Variants in MYO18A observed in about 807,000 individuals in gnomAD.
MYO18A encodes myosin XVIIIA.
In MYO18A, 78 loss-of-function variants were observed where a neutral mutation model predicts 235.8. The ratio of observed to expected loss-of-function variants is 0.33; its 90% CI spans 0.28 to 0.40. The LOEUF (loss-of-function observed/expected upper bound fraction) is 0.40. MYO18A is among the 10% of genes least tolerant of loss of function. The pLI, the probability that MYO18A is intolerant of heterozygous loss-of-function variation, is 1.00. For synonymous variants in MYO18A, 977 were observed against 1,077.8 expected, an observed-to-expected ratio of 0.91 and a Z score of 1.83; for missense variants, 2,215 against 2,699.3, an observed-to-expected ratio of 0.82 and a Z score of 3.98.
At chr17:29,094,296 C>A (rs1380030269) in intron 30 of MYO18A, 3 of 601,864 alleles carry the variant, frequency 5.0e-6, no homozygotes. Flanking sequence ...AGAGAGGCAG[C>A]TGGGGTGGGG....
intron 2 of MYO18A, among the ~76,000 whole-genome samples, chr17:29,153,112 A>G (rs149781135): frequency 2.6e-3 from 392 of 152,266 alleles, no homozygotes; most frequent in Middle Eastern, 6.8e-3. Context: ...CAAGGAAAGT[A>G]CTATTATTTT....
intron 23 of MYO18A, 39 bp from the exon 24 acceptor site, chr17:29,098,484 C>T (rs371227223): frequency 1.2e-6 from 2 of 1,610,138 alleles, no homozygotes; most frequent in Non-Finnish European, 1.7e-6. Context: ...GCCAAAGGCA[C>T]TGCGAGGGAT....
At chr17:29,127,374 T>A (rs1282058681) in intron 2 of MYO18A, among the ~76,000 whole-genome samples, 2 of 152,226 alleles carry the variant, frequency 1.3e-5, no homozygotes, top group Non-Finnish European at 2.9e-5. Flanking sequence ...ACCCAGGGTA[T>A]CAGAGAAGAA....
Position 29,117,175 on chromosome 17 carries a change from A to G in MYO18A, c.2039-720T>C, listed in dbSNP as rs1418935296. On this transcript the variant is annotated intron_variant, in intron 10 of 41. Coordinates refer to ENST00000527372, the MANE Select transcript of MYO18A (RefSeq NM_078471.4). The surrounding 1 kb of genome is among the most constrained non-coding windows in gnomAD (Gnocchi z 4.6). ...CATCCCCTTTCCCTAAACTGGAGAA[A>G]AAGGGGGTGAAGAGGTGCTCGAATC... Among the ~76,000 whole-genome samples the G allele has an allele frequency of 6.6e-6, 1 of 152,156 alleles. No homozygotes were observed. Among genetic ancestry groups the G allele is most frequent in the Non-Finnish European group, 1.5e-5 (1 of 68,024 alleles).
intron 21 of MYO18A, 99 bp downstream of exon 21, chr17:29,103,500 G>A (rs2066706568): frequency 2.5e-6 from 3 of 1,207,360 alleles, no homozygotes; most frequent in East Asian, 2.4e-5. Flanking sequence ...CAGGAGACTG[G>A]TGATGTCTGG....
chr17:29,151,955 C>T (rs1415965718), intron 2 of MYO18A, among the ~76,000 whole-genome samples: 7 of 152,256 alleles, frequency 4.6e-5, no homozygotes, highest in South Asian at 2.1e-4. Flanking sequence ...GGGGAGGACA[C>T]GGTGGAGAAT....
intron 23 of MYO18A, 101 bp downstream of exon 23, chr17:29,098,725 G>A (rs754496962): frequency 2.7e-6 from 4 of 1,458,808 alleles, no homozygotes; most frequent in African/African-American, 1.4e-5. Context: ...TTTCAAGGAT[G>A]ACAGCTCTCT....
At chr17:29,114,161 T>TCACA in intron 14 of MYO18A, 64 bp from the exon 15 acceptor site, 1 of 1,303,152 alleles carries the variant, frequency 7.7e-7, no homozygotes, top group Non-Finnish European at 1.1e-6. Flanking sequence ...GCCTTGTGAG[T>TCACA]AGGCTGGGAA....
intron 20 of MYO18A, among the ~76,000 whole-genome samples, chr17:29,104,378 G>A (rs1568067124): frequency 6.6e-6 from 1 of 152,202 alleles, no homozygotes; most frequent in Admixed American, 6.5e-5. Context: ...GGTATGTAAG[G>A]AGGAATCTAG....
chr17:29,156,753 G>C (rs2068073640), intron 2 of MYO18A, among the ~76,000 whole-genome samples: 1 of 152,360 alleles, frequency 6.6e-6, no homozygotes, highest in African/African-American at 2.4e-5. Flanking sequence ...AGAAGGCTGG[G>C]GTGTTGCCAG....
chr17:29,121,892 C>T lies in MYO18A; in HGVS notation c.1153G>A (p.Asp385Asn), dbSNP rs368100501. ...EGKVRVKLDHDGAILDVDEDD... is the reference protein window; with the variant it reads ...EGKVRVKLDHNGAILDVDEDD... ...TCATCCACATCCAGGATGGCCCCAT[C>T]GTGGTCCAGCTTCACACGCACCTTC... The change falls in exon 4 of 42, where the codon GAT becomes AAT. Residue 385 changes from aspartate to asparagine, a missense_variant. Physicochemically the swap from Asp to Asn is conservative, Grantham distance 23. Transcript: ENST00000527372. This position sits in a 1 kb window ranked among gnomAD's most constrained non-coding sequence, Gnocchi z 4.2. 6.8e-6 allele frequency: 11 copies of T among 1,613,822 alleles called. No homozygotes were observed. The highest frequency in any genetic ancestry group is 5.0e-5 in the Admixed American group (3 of 60,000).
Position 29,114,001 on chromosome 17 carries a change from G to C in MYO18A, c.2598+10C>G. Reference sequence around the variant, plus strand: ...GAAAGGCTTGCCCAAACCCTCTCTGGAGCTCCTACCAGGGACTGATGGGAG... The same window carrying C: ...GAAAGGCTTGCCCAAACCCTCTCTGCAGCTCCTACCAGGGACTGATGGGAG... On this transcript the variant is annotated intron_variant, in intron 15 of 41. Coordinates refer to ENST00000527372, the MANE Select transcript of MYO18A (RefSeq NM_078471.4). 6.3e-7 allele frequency: 1 copy of C among 1,584,264 alleles called. No homozygotes were observed. Among genetic ancestry groups the C allele is most frequent in the Non-Finnish European group, 8.6e-7 (1 of 1,165,092 alleles).
At chr17:29,130,299 C>CAAAAAAAAAAAAAAAAAAA (rs564370108) in intron 2 of MYO18A, among the ~76,000 whole-genome samples, 1 of 55,934 alleles carries the variant, frequency 1.8e-5, no homozygotes, top group Non-Finnish European at 3.0e-5. Flanking sequence ...AACCCTGTCT[C>CAAAAAAAAAAAAAAAAAAA]AAAAAAAAAA....
rs1405780658 is a variant in MYO18A, at chr17:29,090,532, C to G, written c.5388G>C (p.Lys1796Asn). 4 of 1,586,652 alleles carry G rather than the reference C, an allele frequency of 2.5e-6. No homozygotes were observed. Among genetic ancestry groups the G allele is most frequent in the African/African-American group, 2.7e-5 (2 of 74,540 alleles). Residue 1796 changes from lysine (K) to asparagine (N), a missense_variant and splice_region_variant, in exon 36 of 42, where the codon AAG (lysine) becomes AAC (asparagine). Transcript: ENST00000527372. ...TCCTGAGGGAGCCCCTGGTCCTCAC[C>G]TTCTCCTGCAGCTCCTGCTTCTCTT... ...ANKEKQELQEKLQALQSQVEF... is the reference protein window; with the variant it reads ...ANKEKQELQENLQALQSQVEF...
At chr17:29,149,999 A>G (rs2067934791) in intron 2 of MYO18A, among the ~76,000 whole-genome samples, 1 of 152,272 alleles carries the variant, frequency 6.6e-6, no homozygotes, top group Admixed American at 6.5e-5. Context: ...CACAGAAGAA[A>G]AAAAAGGAAG....
Position 29,129,072 on chromosome 17 carries a change from C to T in MYO18A, c.1000-6819G>A. ...GTCCTGACCTTTGTAGTCCTTGGTC[C>T]TTCCATCACCTGTTTTCCGGGCAGT... On this transcript the variant is annotated intron_variant, in intron 2 of 41. Coordinates refer to ENST00000527372, the MANE Select transcript of MYO18A (RefSeq NM_078471.4). 2.3e-6 allele frequency: 3 copies of T among 1,289,368 alleles called. No homozygotes were observed. The South Asian group carries it at 3.7e-5, about 16-fold the overall frequency. The allele number at this position is 1,289,368 out of a possible 1,614,324, so 79.9% of individuals were successfully genotyped here.
chr17:29,092,922 TG>T lies in MYO18A; in HGVS notation c.5005del (p.Gln1669SerfsTer7), dbSNP rs1372687307. Reference sequence around the variant, plus strand: ...GTTCTTCAGGTGGTCCAGCATGAGCTGGGCATCTGCCAGCAGGGCCTTGGTG... The same window carrying T: ...GTTCTTCAGGTGGTCCAGCATGAGCTGGCATCTGCCAGCAGGGCCTTGGTG... ...KRTKALLADA[Q>X]LMLDHLKNSA... On this transcript the variant is annotated frameshift_variant, in exon 33 of 42. Coordinates refer to ENST00000527372, the MANE Select transcript of MYO18A (RefSeq NM_078471.4). LOFTEE classifies it high-confidence loss of function. 2 of 1,613,846 alleles carry T rather than the reference TG, an allele frequency of 1.2e-6. No homozygotes were observed. Among genetic ancestry groups the T allele is most frequent in the African/African-American group, 2.7e-5 (2 of 74,932 alleles).
rs1389900819 is a variant in MYO18A at position 29,117,864 on chromosome 17, T to G, written c.2038+181A>C. ...CTAAGTCCAGGCCTCGGGTCGTCAC[T>G]GCCAAAGATGCTTCCCGGGCCTTCT... is the stretch of plus-strand genomic sequence containing the variant. On this transcript the variant is annotated intron_variant, in intron 10 of 41. Transcript: ENST00000527372. This position sits in a 1 kb window ranked among gnomAD's most constrained non-coding sequence, Gnocchi z 4.6. 6.6e-6 allele frequency among the ~76,000 whole-genome samples: 1 copy of G among 152,154 alleles called. No individual in the cohort carries two copies. Among genetic ancestry groups the G allele is most frequent in the Non-Finnish European group, 1.5e-5 (1 of 68,010 alleles).
intron 1 of MYO18A, among the ~76,000 whole-genome samples, chr17:29,173,247 C>T (rs996115976): frequency 6.6e-6 from 1 of 151,860 alleles, no homozygotes; most frequent in Non-Finnish European, 1.5e-5. Context: ...CATGCGCCAC[C>T]ATGACCGGCT....
Sources: gnomAD v4.1 joint callset for allele counts (sites outside exome capture counted in the v4.1 genomes callset) on GRCh38, gnomAD v4.1.1 for gene constraint, Gnocchi (gnomAD v3.1) non-coding constraint, MANE v1.5 for transcripts, NCBI Gene and HGNC (gene_info 2026-07-23, HGNC 2026-07-21) for gene names.